The following ATP10D variants were observed in gnomAD, a reference collection of about 807,000 sequenced individuals.
The protein encoded by ATP10D is phospholipid-transporting ATPase VD.
Under a neutral mutation model 144.8 loss-of-function variants are expected in ATP10D, and 89 were observed. That is an observed-to-expected ratio of 0.61 (90% CI 0.52 to 0.73). The LOEUF (loss-of-function observed/expected upper bound fraction) is 0.73, where lower values mean the gene tolerates loss of function less well. Among genes scored for constraint, ATP10D ranks in the 30% least tolerant of loss-of-function variants. ATP10D has a pLI of 0.00. For missense variants in ATP10D, 1,603 were observed against 1,714.8 expected, an observed-to-expected ratio of 0.93 and a Z score of 1.15; for synonymous variants, 571 against 615.1, an observed-to-expected ratio of 0.93 and a Z score of 1.06.
intron 12 of ATP10D, among the ~76,000 whole-genome samples, 174 bp downstream of exon 12, chr4:47,558,447 C>T (rs1478147035): frequency 6.6e-6 from 1 of 152,138 alleles, no homozygotes; most frequent in Non-Finnish European, 1.5e-5. Context: ...TTTGGGGCTA[C>T]CCAGATCTGA....
intron 1 of ATP10D, among the ~76,000 whole-genome samples, chr4:47,511,125 T>C (rs748257579): frequency 1.1e-4 from 17 of 152,222 alleles, no homozygotes; most frequent in Non-Finnish European, 2.2e-4. Context: ...GCCACTTTTG[T>C]ATGCTTGGTG....
intron 19 of ATP10D, among the ~76,000 whole-genome samples, chr4:47,580,072 G>T (rs1434761959): frequency 6.6e-6 from 1 of 152,222 alleles, no homozygotes; most frequent in African/African-American, 2.4e-5. Context: ...GAAATGGATA[G>T]AGTTGGAGAA....
chr4:47,509,552 A>C (rs1716203094), intron 1 of ATP10D, among the ~76,000 whole-genome samples: 1 of 152,214 alleles, frequency 6.6e-6, no homozygotes, highest in Non-Finnish European at 1.5e-5. Context: ...TGTGGTGAGA[A>C]CACTTTAGGT....
In ATP10D at chr4:47,572,087, A is replaced by C. The variant is rs1048324016; in HGVS notation, c.3164-67A>C. The stretch of plus-strand genomic sequence containing the variant: ...TTGTTCACTTGAGCTGCCCCTATTG[A>C]TTTGCAACATTTACACCCTTTCTTT... On this transcript the variant is annotated intron_variant, in intron 16 of 22. Transcript: ENST00000273859. 3.5e-6 allele frequency: 5 copies of C among 1,425,654 alleles called. No individual in the cohort carries two copies. In the African/African-American group the frequency reaches 7.0e-5, roughly 20 times the overall value. The allele number at this position is 1,425,654 out of a possible 1,614,324, so 88.3% of individuals were successfully genotyped here.
intron 9 of ATP10D, among the ~76,000 whole-genome samples, chr4:47,545,001 CT>C (rs1718340685): frequency 6.6e-6 from 1 of 152,036 alleles, no homozygotes; most frequent in African/African-American, 2.4e-5. Context: ...GCGATAAGTA[CT>C]TGGTAGAAAA....
At chr4:47,541,516 T>C (rs535295023) in intron 9 of ATP10D, among the ~76,000 whole-genome samples, 1 of 152,332 alleles carries the variant, frequency 6.6e-6, no homozygotes, top group African/African-American at 2.4e-5. Context: ...CAAGGATATA[T>C]GGGTGATACA....
intron 1 of ATP10D, among the ~76,000 whole-genome samples, chr4:47,507,609 T>C (rs893176146): frequency 6.6e-6 from 1 of 152,334 alleles, no homozygotes. Context: ...AAATGGGATG[T>C]CTTTATGTTC....
chr4:47,509,211 T>A lies in ATP10D; in HGVS notation c.-37-3293T>A, dbSNP rs577514244. On this transcript the variant is annotated intron_variant, in intron 1 of 22. Coordinates refer to ENST00000273859, the MANE Select transcript of ATP10D (RefSeq NM_020453.4). ...TTTTCTTCTTCTTTTTTAAATCTGA[T>A]ATTTTCAAACATTGAAAATATTATT... 2.5e-4 allele frequency among the ~76,000 whole-genome samples: 37 copies of A among 148,802 alleles called. No homozygotes were observed. In the East Asian group the frequency reaches 7.2e-3, roughly 29 times the overall value.
At chr4:47,522,396 A>G (rs1333418259) in intron 3 of ATP10D, among the ~76,000 whole-genome samples, 1 of 152,202 alleles carries the variant, frequency 6.6e-6, no homozygotes, top group Non-Finnish European at 1.5e-5. Context: ...GAATGAGCCC[A>G]TCAAATGTTG....
At chr4:47,572,643 A>ATGTGTG (rs1440669938) in intron 17 of ATP10D, among the ~76,000 whole-genome samples, 2 of 48,864 alleles carry the variant, frequency 4.1e-5, no homozygotes, top group Non-Finnish European at 8.0e-5. Context: ...ATTTGTGCGC[A>ATGTGTG]CGTGTGTGTG....
chr4:47,487,088 G>A (rs1714801612), intron 1 of ATP10D, among the ~76,000 whole-genome samples: 1 of 152,058 alleles, frequency 6.6e-6, no homozygotes, highest in Non-Finnish European at 1.5e-5. Context: ...AATTGGCTGG[G>A]CGTGGTGGTG....
intron 18 of ATP10D, among the ~76,000 whole-genome samples, chr4:47,574,155 A>G (rs1000860621): frequency 6.6e-6 from 1 of 152,256 alleles, no homozygotes; most frequent in Non-Finnish European, 1.5e-5. Flanking sequence ...CTTCTCCCCT[A>G]TTGTGGCAAT....
chr4:47,486,115 C>A (rs1048688032), intron 1 of ATP10D, among the ~76,000 whole-genome samples: 1 of 152,298 alleles, frequency 6.6e-6, no homozygotes, highest in South Asian at 2.1e-4. Context: ...AGCCCCCATG[C>A]TTCCCCCAAA....
intron 13 of ATP10D, among the ~76,000 whole-genome samples, chr4:47,559,496 GAT>G (rs1719178245): frequency 6.6e-6 from 1 of 152,132 alleles, no homozygotes; most frequent in Non-Finnish European, 1.5e-5. Flanking sequence ...AAATATCCTA[GAT>G]ATTATCTCAG....
intron 21 of ATP10D, 43 bp from the exon 22 acceptor site, chr4:47,586,976 C>T (rs200868510): frequency 5.0e-5 from 79 of 1,575,872 alleles, no homozygotes; most frequent in Non-Finnish European, 6.4e-5. Context: ...AATACTGTAT[C>T]AGTGACAGAG....
Position 47,561,017 on chromosome 4 carries a change from C to G in ATP10D, c.2610C>G (p.Asn870Lys). The G allele has an allele frequency of 6.2e-7, 1 of 1,614,038 alleles. No individual in the cohort carries two copies. The highest frequency in any genetic ancestry group is 8.5e-7 in the Non-Finnish European group (1 of 1,179,896). Residue 870 changes from asparagine (N) to lysine (K), a missense_variant, in exon 14 of 23, where the codon AAC (asparagine) becomes AAG (lysine). Coordinates refer to ENST00000273859, the MANE Select transcript of ATP10D (RefSeq NM_020453.4). ...NHFLAETSID[N>K]REELLLESAM... ...TTTTAGCTGAAACCAGCATTGACAACAGGGAAGAATTACTACTTGAATCTG... is the reference window on the plus strand; with the variant it reads ...TTTTAGCTGAAACCAGCATTGACAAGAGGGAAGAATTACTACTTGAATCTG...
rs1031348233 is a variant in ATP10D, at chr4:47,509,248, G to T, written c.-37-3256G>T. Reference sequence around the variant, plus strand: ...TTGAAAATATTATTTCTTTTTATTCGTTTACAAAAACATCCACTGAAATAA... The same window carrying T: ...TTGAAAATATTATTTCTTTTTATTCTTTTACAAAAACATCCACTGAAATAA... On this transcript the variant is annotated intron_variant, in intron 1 of 22. Coordinates refer to ENST00000273859, the MANE Select transcript of ATP10D (RefSeq NM_020453.4). Among the ~76,000 whole-genome samples the T allele has an allele frequency of 3.0e-4, 45 of 152,224 alleles. 2 individuals carry two copies. Among genetic ancestry groups the T allele is most frequent in the Admixed American group, 3.9e-4 (6 of 15,296 alleles).
rs1179841672 is a variant in ATP10D, at chr4:47,515,600, G to A, written c.415G>A (p.Gly139Ser). The A allele has an allele frequency of 7.4e-6, 12 of 1,612,814 alleles. No individual in the cohort carries two copies. Among genetic ancestry groups the A allele is most frequent in the Non-Finnish European group, 1.0e-5 (12 of 1,178,976 alleles). The stretch of plus-strand genomic sequence containing the variant: ...CCTTACAATTATCGCAATTAAAGAT[G>A]GCCTGGAAGATTATCGGAAATACAA... Reference protein sequence around the residue: ...VVLTIIAIKDGLEDYRKYKID... With the variant: ...VVLTIIAIKDSLEDYRKYKID... Residue 139 changes from glycine to serine, a missense_variant, in exon 3 of 23, where the codon GGC becomes AGC. Gly to Ser is a moderately conservative substitution (Grantham distance 56). Coordinates refer to ENST00000273859, the MANE Select transcript of ATP10D (RefSeq NM_020453.4).
intron 10 of ATP10D, chr4:47,547,688 A>G (rs3924900): frequency 0.24 from 36,230 of 152,090 alleles, 4,323 homozygotes; most frequent in Admixed American, 0.3. Context: ...GGGAAGCTTT[A>G]TGTTTCTACA....
Sources: allele counts gnomAD v4.1 joint callset (sites outside exome capture counted in the v4.1 genomes callset), GRCh38; gene constraint gnomAD v4.1.1; transcripts MANE v1.5; gene names NCBI Gene and HGNC (gene_info 2026-07-23, HGNC 2026-07-21).